PCDHGA1: variants seen among roughly 807,000 people sequenced by gnomAD.
The protein encoded by PCDHGA1 is protocadherin gamma-A1.
A neutral mutation model predicts 58.0 loss-of-function variants in PCDHGA1; 32 were observed. That is an observed-to-expected ratio of 0.55 (90% CI 0.42 to 0.74). The LOEUF (loss-of-function observed/expected upper bound fraction) is 0.74, where lower values mean the gene tolerates loss of function less well. PCDHGA1 is among the 30% of genes least tolerant of loss of function. The pLI, the probability that PCDHGA1 is intolerant of heterozygous loss-of-function variation, is 0.00. For missense variants in PCDHGA1, 1,205 were observed against 1,182.3 expected (o/e 1.02, Z -0.28); for synonymous variants, 498 against 501.1 (o/e 0.99, Z 0.08).
At chr5:141,340,813 G>A (rs200266922) in intron 1 of PCDHGA1, 369 of 1,613,930 alleles carry the variant, frequency 2.3e-4, no homozygotes, top group Non-Finnish European at 2.9e-4. Flanking sequence ...CCAGCGAGCC[G>A]GGACTCTTCT....
chr5:141,491,500 G>A lies in PCDHGA1; in HGVS notation c.2422-3307G>A. ...CAGCCCCAACCTGCAGGTGAGCTCG[G>A]ACGGCACGCTCAAGTACATGGAGGT... On this transcript the variant is annotated intron_variant, in intron 1 of 3. Transcript: ENST00000517417. The surrounding 1 kb of genome is among the most constrained non-coding windows in gnomAD (Gnocchi z 6.9). 3 of 1,614,102 alleles carry A rather than the reference G, an allele frequency of 1.9e-6. No homozygotes were observed. The highest frequency in any genetic ancestry group is 2.7e-5 in the African/African-American group (2 of 75,066).
At chr5:141,413,623 G>A (rs1454358985) in intron 1 of PCDHGA1, 2 of 1,613,752 alleles carry the variant, frequency 1.2e-6, no homozygotes, top group African/African-American at 1.3e-5. Flanking sequence ...TAATGAAAAT[G>A]TCGCTGCGGG....
chr5:141,394,679 C>T (rs532730881), intron 1 of PCDHGA1: 1 of 1,612,552 alleles, frequency 6.2e-7, no homozygotes, highest in African/African-American at 1.3e-5. Context: ...TGGGTCTGCA[C>T]ACGGGCGAGG....
chr5:141,509,830 T>A (rs1328716142), intron 3 of PCDHGA1, among the ~76,000 whole-genome samples: 1 of 152,204 alleles, frequency 6.6e-6, no homozygotes, highest in African/African-American at 2.4e-5. Flanking sequence ...ATCTTCTCTC[T>A]ACCTCCCATT....
At chr5:141,426,427 G>A in intron 1 of PCDHGA1, 2 of 293,710 alleles carry the variant, frequency 6.8e-6, no homozygotes, top group Non-Finnish European at 1.3e-5. Context: ...CTCCGTGGTG[G>A]GGAACCTTGC....
At chr5:141,404,924 G>A in intron 1 of PCDHGA1, 1 of 1,613,908 alleles carries the variant, frequency 6.2e-7, no homozygotes, top group South Asian at 1.1e-5. Flanking sequence ...CTCGGCCACT[G>A]TCACGCTCAC....
intron 1 of PCDHGA1, among the ~76,000 whole-genome samples, chr5:141,448,001 G>A (rs143950707): frequency 0.046 from 7,030 of 151,928 alleles, 245 homozygotes; most frequent in African/African-American, 0.093. Context: ...CATGAGAATC[G>A]CTTGAACCCA....
At chr5:141,447,130 T>A (rs2098527397) in intron 1 of PCDHGA1, among the ~76,000 whole-genome samples, 1 of 152,146 alleles carries the variant, frequency 6.6e-6, no homozygotes, top group Admixed American at 6.6e-5. Context: ...TTTTTTTGTT[T>A]GTTTGTTTTT....
intron 1 of PCDHGA1, among the ~76,000 whole-genome samples, chr5:141,407,044 A>G (rs972892343): frequency 6.6e-6 from 1 of 152,246 alleles, no homozygotes; most frequent in African/African-American, 2.4e-5. Flanking sequence ...TGTGATCCAT[A>G]GATACACTGA....
chr5:141,482,574 A>C (rs1294997781), intron 1 of PCDHGA1, among the ~76,000 whole-genome samples: 2 of 151,592 alleles, frequency 1.3e-5, no homozygotes, highest in Non-Finnish European at 2.9e-5. Context: ...GCATAGCATA[A>C]GATGCAGTGG....
chr5:141,451,209 G>C (rs556588482), intron 1 of PCDHGA1, among the ~76,000 whole-genome samples: 1 of 152,266 alleles, frequency 6.6e-6, no homozygotes, highest in African/African-American at 2.4e-5. Flanking sequence ...CCAAAACTTA[G>C]TGGCTTAAAA....
intron 1 of PCDHGA1, chr5:141,388,406 C>T (rs770065402): frequency 1.9e-6 from 3 of 1,613,842 alleles, no homozygotes; most frequent in Non-Finnish European, 2.5e-6. Context: ...AACTCAGTCC[C>T]AGTGATCATT....
chr5:141,338,871 G>A, intron 1 of PCDHGA1: 1 of 1,447,104 alleles, frequency 6.9e-7, no homozygotes, highest in Non-Finnish European at 9.1e-7. Context: ...ATAGGGACCT[G>A]GGTCCCGTGA....
At chr5:141,495,452 C>T (rs543717781) in intron 2 of PCDHGA1, among the ~76,000 whole-genome samples, 1 of 152,356 alleles carries the variant, frequency 6.6e-6, no homozygotes, top group Non-Finnish European at 1.5e-5. Context: ...TTGTCCTGCT[C>T]TCTGTCTGTG....
chr5:141,332,004 A>G lies in PCDHGA1; in HGVS notation c.1320A>G (p.Leu440=), dbSNP rs1356630626. 1 of 1,614,168 alleles carries G rather than the reference A, an allele frequency of 6.2e-7. No homozygotes were observed. The highest frequency in any genetic ancestry group is 1.1e-5 in the South Asian group (1 of 91,082). The change falls in exon 1 of 4, where the codon CTA becomes CTG. Residue 440 remains leucine (L), a synonymous_variant. Coordinates refer to ENST00000517417, the MANE Select transcript of PCDHGA1 (RefSeq NM_018912.3). The surrounding 1 kb of genome is among the most constrained non-coding windows in gnomAD (Gnocchi z 4.6). Reference sequence around the variant, plus strand: ...TATCTACTGAAACTCACATTTCACTACTAGTGACAGATATCAATGACAACT... The same window carrying G: ...TATCTACTGAAACTCACATTTCACTGCTAGTGACAGATATCAATGACAACT... ...PALSTETHIS[L]LVTDINDNSP... is the part of the protein sequence containing the mutation.
intron 1 of PCDHGA1, chr5:141,478,809 C>G: frequency 6.9e-7 from 1 of 1,453,454 alleles, no homozygotes; most frequent in Non-Finnish European, 9.0e-7. Flanking sequence ...CTTTTGCTAT[C>G]ACAACTAACC....
chr5:141,444,238 C>T (rs1011385887), intron 1 of PCDHGA1, among the ~76,000 whole-genome samples: 6 of 125,052 alleles, frequency 4.8e-5, no homozygotes, highest in Non-Finnish European at 9.4e-5. Context: ...ATGGCATGCT[C>T]TCGGCTCACT....
At chr5:141,340,929 C>T (rs1298518888) in intron 1 of PCDHGA1, 3 of 1,613,748 alleles carry the variant, frequency 1.9e-6, no homozygotes. Flanking sequence ...GGCCAGCCCC[C>T]TCTCTCCGCC....
chr5:141,393,414 G>C lies in PCDHGA1; in HGVS notation c.2421+60309G>C, dbSNP rs199973289. 738 of 1,614,038 alleles carry C rather than the reference G, an allele frequency of 4.6e-4. No individual in the cohort carries two copies. The highest frequency in any genetic ancestry group is 5.2e-4 in the Non-Finnish European group (617 of 1,179,898). Reference sequence around the variant, plus strand: ...AGAGCTGGTGCTGGAGCGCGCCCTGGACAGGGAGGAAGAGGCTGCTCACCA... The same window carrying C: ...AGAGCTGGTGCTGGAGCGCGCCCTGCACAGGGAGGAAGAGGCTGCTCACCA... On this transcript the variant is annotated intron_variant, in intron 1 of 3. Coordinates refer to ENST00000517417, the MANE Select transcript of PCDHGA1 (RefSeq NM_018912.3).
Sources: allele counts gnomAD v4.1 joint callset (sites outside exome capture counted in the v4.1 genomes callset), GRCh38; gene constraint gnomAD v4.1.1; non-coding constraint Gnocchi (gnomAD v3.1); transcripts MANE v1.5; gene names NCBI Gene and HGNC (gene_info 2026-07-23, HGNC 2026-07-21).